Variants in USP44 observed in about 807,000 individuals in gnomAD.
USP44 encodes the protein ubiquitin carboxyl-terminal hydrolase 44.
A neutral mutation model predicts 69.0 loss-of-function variants in USP44; 61 were observed. The ratio of observed to expected loss-of-function variants is 0.88; its 90% CI spans 0.72 to 1.09. The LOEUF (loss-of-function observed/expected upper bound fraction) is 1.09, where lower values mean the gene tolerates loss of function less well. Among genes scored for constraint, USP44 ranks in the 50% least tolerant of loss-of-function variants. USP44 has a pLI of 0.00. For missense variants in USP44, 753 were observed against 849.9 expected, an observed-to-expected ratio of 0.89 and a Z score of 1.42; for synonymous variants, 297 against 295.4, an observed-to-expected ratio of 1.01 and a Z score of -0.06.
chr12:95,534,061 G>A lies in USP44; in HGVS notation c.196C>T (p.His66Tyr). ...HALKHFQESS[H>Y]PVALEVNEMY... Reference sequence around the variant, plus strand: ...TCATTCACCTCCAATGCAACAGGATGACTGCTTTCTTGAAAGTGCTTGAGT... The same window carrying A: ...TCATTCACCTCCAATGCAACAGGATAACTGCTTTCTTGAAAGTGCTTGAGT... The change falls in exon 2 of 6, where the codon CAT becomes TAT. Residue 66 changes from histidine to tyrosine, a missense_variant. Coordinates refer to ENST00000258499, the MANE Select transcript of USP44 (RefSeq NM_032147.5). 4 of 1,614,180 alleles carry A rather than the reference G, an allele frequency of 2.5e-6. No homozygotes were observed. Among genetic ancestry groups the A allele is most frequent in the Non-Finnish European group, 3.4e-6 (4 of 1,180,046 alleles).
chr12:95,528,900 C>T lies in USP44; in HGVS notation c.1531G>A (p.Ala511Thr), dbSNP rs1025753259. The T allele has an allele frequency of 6.2e-7, 1 of 1,613,944 alleles. No individual in the cohort carries two copies. The highest frequency in any genetic ancestry group is 8.5e-7 in the Non-Finnish European group (1 of 1,180,004). The change falls in exon 3 of 6, where the codon GCT becomes ACT. Residue 511 changes from alanine (A) to threonine (T), a missense_variant. Ala to Thr is a moderately conservative substitution (Grantham distance 58, BLOSUM62 0). Coordinates refer to ENST00000258499, the MANE Select transcript of USP44 (RefSeq NM_032147.5). ...ERYQCSGKDI[A>T]SQPCLVTEML... ...TCAGTAACCAGACATGGCTGGGAAG[C>T]AATATCTTTTCCACTGCATTGATAC...
chr12:95,543,990 G>A (rs1053330658), intron 1 of USP44, among the ~76,000 whole-genome samples: 334 of 96,154 alleles, frequency 3.5e-3, no homozygotes, highest in Admixed American at 4.2e-3. Flanking sequence ...AAAAAAAAAA[G>A]AAAAAAACCC....
rs1279812925 is a variant in USP44 at position 95,519,674 on chromosome 12, C to T, written c.1940-1321G>A. Among the ~76,000 whole-genome samples, 3 of 150,654 alleles carry T rather than the reference C, an allele frequency of 2.0e-5. No homozygotes were observed. In the East Asian group the frequency reaches 6.0e-4, roughly 30 times the overall value. On this transcript the variant is annotated intron_variant, in intron 5 of 5. Transcript: ENST00000258499. ...GTCTCGATCTCCTGACCTCGTGATC[C>T]ACCCGCCTCGGCCTCCCAAAGTGCT...
chr12:95,521,068 G>T lies in USP44; in HGVS notation c.1868C>A (p.Ala623Glu). Residue 623 changes from alanine to glutamate, a missense_variant, in exon 5 of 6, where the codon GCG becomes GAG. Ala to Glu is a moderately radical substitution (Grantham distance 107). Coordinates refer to ENST00000258499, the MANE Select transcript of USP44 (RefSeq NM_032147.5). ...RPECFIYDLS[A>E]VVMHHGKGFG... is the part of the protein sequence containing the mutation. ...TCCTTTCCCATGGTGCATCACCACC[G>T]CGGACAAGTCATAGATAAAGCATTC... 1 of 1,614,118 alleles carries T rather than the reference G, an allele frequency of 6.2e-7. No individual in the cohort carries two copies. Among genetic ancestry groups the T allele is most frequent in the East Asian group, 2.2e-5 (1 of 44,874 alleles).
At chr12:95,525,173 G>A (rs952905620) in intron 3 of USP44, among the ~76,000 whole-genome samples, 15 of 152,222 alleles carry the variant, frequency 9.9e-5, no homozygotes, top group Admixed American at 7.9e-4. Flanking sequence ...CTGGGTTCAA[G>A]CAATTCTCCT....
In USP44 at chr12:95,533,569, C is replaced by T; in HGVS notation, c.688G>A (p.Val230Ile). Residue 230 changes from valine (V) to isoleucine (I), a missense_variant, in exon 2 of 6, where the codon GTT (valine) becomes ATT (isoleucine). By Grantham distance (29) the Val-to-Ile change is conservative. Transcript: ENST00000258499. ...AQSTIIEIVS[V>I]QVPAQTPASP... ...GCTGGCGTTTGTGCTGGCACCTGAA[C>T]AGAAACTATTTCTATTATGGTCGAC... 13 of 1,613,580 alleles carry T rather than the reference C, an allele frequency of 8.1e-6. No homozygotes were observed. The highest frequency in any genetic ancestry group is 1.7e-4 in the Middle Eastern group (1 of 6,060).
intron 4 of USP44, chr12:95,522,087 T>G (rs2140219991): frequency 1.0e-6 from 1 of 985,390 alleles, no homozygotes; most frequent in Non-Finnish European, 1.2e-6. Flanking sequence ...TGGCAAGCAA[T>G]GTGTTTATCA....
chr12:95,544,174 C>A (rs1211561911), intron 1 of USP44, among the ~76,000 whole-genome samples: 2 of 149,078 alleles, frequency 1.3e-5, no homozygotes, highest in Non-Finnish European at 3.0e-5. Context: ...CCTGCCTCAG[C>A]CTCCCAAGTA....
chr12:95,519,482 C>CAGGCTGGA (rs1377851676), intron 5 of USP44, among the ~76,000 whole-genome samples: 1 of 144,142 alleles, frequency 6.9e-6, no homozygotes, highest in Non-Finnish European at 1.5e-5. Flanking sequence ...CTCTGTCACC[C>CAGGCTGGA]AGGCTGGAGT....
In USP44 at chr12:95,518,726, G is replaced by A. The variant is rs544671755; in HGVS notation, c.1940-373C>T. On this transcript the variant is annotated intron_variant, in intron 5 of 5. Coordinates refer to ENST00000258499, the MANE Select transcript of USP44 (RefSeq NM_032147.5). ...AGGCCGAGGCAGGCAGATCACCTGA[G>A]GCCAGGAGTTAGAGACCAGCCTGGC... 2.0e-5 allele frequency among the ~76,000 whole-genome samples: 3 copies of A among 152,126 alleles called. No individual in the cohort carries two copies. In the East Asian group the frequency reaches 5.8e-4, roughly 29 times the overall value.
rs1425893180 is a variant in USP44 at position 95,517,042 on chromosome 12, AAG to A, written c.*1110_*1111del. 1.3e-5 allele frequency: 2 copies of A among 151,826 alleles called. No individual in the cohort carries two copies. The highest frequency in any genetic ancestry group is 2.9e-5 in the Non-Finnish European group (2 of 68,000). The allele number at this position is 151,826 out of a possible 1,614,324, so 9.4% of individuals were successfully genotyped here. On this transcript the variant is annotated 3_prime_UTR_variant, in exon 6 of 6. Coordinates refer to ENST00000258499, the MANE Select transcript of USP44 (RefSeq NM_032147.5). ...CCAGTGAGATTATCAGAAGAAGAAA[AAG>A]AGTGACTCACACTGTATTTTTTTTT...
Sources: gnomAD v4.1 joint callset for allele counts (sites outside exome capture counted in the v4.1 genomes callset) on GRCh38, gnomAD v4.1.1 for gene constraint, MANE v1.5 for transcripts, NCBI Gene and HGNC (gene_info 2026-07-23, HGNC 2026-07-21) for gene names.